INSL6: variants seen among roughly 807,000 people sequenced by gnomAD.
INSL6 encodes insulin-like peptide INSL6.
In INSL6, 16 loss-of-function variants were observed where a neutral mutation model predicts 9.4. The ratio of observed to expected loss-of-function variants is 1.70; its 90% CI spans 1.15 to 2.59. INSL6 has a LOEUF of 2.59. Ranked by LOEUF, INSL6 falls within the 30% of genes most tolerant of loss-of-function variation. The pLI is 0.00. For missense variants in INSL6, 391 were observed against 257.3 expected, an observed-to-expected ratio of 1.52 and a Z score of -3.56; for synonymous variants, 154 against 96.9, an observed-to-expected ratio of 1.59 and a Z score of -3.46.
the INSL6 span, among the ~76,000 whole-genome samples, chr9:5,062,623 G>A: frequency 6.6e-6 from 1 of 150,754 alleles, no homozygotes; most frequent in Non-Finnish European, 1.5e-5. Flanking sequence ...TGAACTGCTA[G>A]TTCAAAGGGT....
At chr9:5,003,272 G>C in the INSL6 span, among the ~76,000 whole-genome samples, 2 of 151,950 alleles carry the variant, frequency 1.3e-5, no homozygotes, top group African/African-American at 4.8e-5. Context: ...ATTTTAATTG[G>C]AAGTGGGTTG....
At position 5,185,380 on chromosome 9, in the gene INSL6, A is replaced by G. The variant is rs764559997; in HGVS notation, c.223T>C (p.Tyr75His). 4 of 1,614,108 alleles carry G rather than the reference A, an allele frequency of 2.5e-6. No individual in the cohort carries two copies. Among genetic ancestry groups the G allele is most frequent in the Non-Finnish European group, 3.4e-6 (4 of 1,180,012 alleles). Reference sequence around the variant, plus strand: ...GGGCTTTCGAACTGGTATGGGCTGTAGGCTTCGACCTTCTCCGAGGCCTGT... The same window carrying G: ...GGGCTTTCGAACTGGTATGGGCTGTGGGCTTCGACCTTCTCCGAGGCCTGT... ...IAQASEKVEA[Y>H]SPYQFESPQT... The change falls in exon 1 of 2, where the codon TAC becomes CAC. Residue 75 changes from tyrosine (Y) to histidine (H), a missense_variant. Transcript: ENST00000381641.
At chr9:5,055,000 G>T in the INSL6 span, 3 of 738,074 alleles carry the variant, frequency 4.1e-6, no homozygotes, top group Non-Finnish European at 6.4e-6. This position sits in a 1 kb window ranked among gnomAD's most constrained non-coding sequence, Gnocchi z 4.9. Flanking sequence ...TGATAGAAGT[G>T]GAAGTTTTTA....
chr9:5,170,522 G>A (rs190523038), intron 1 of INSL6, among the ~76,000 whole-genome samples: 24 of 145,392 alleles, frequency 1.7e-4, no homozygotes, highest in Admixed American at 1.5e-3. Flanking sequence ...CCAGAGACAC[G>A]AAAAACCCTT....
At chr9:5,126,992 G>C in intron 3 of INSL6, 1 of 322,810 alleles carries the variant, frequency 3.1e-6, no homozygotes. Context: ...ACATTAATGA[G>C]AATTCCTTAG....
rs550915336 is a variant in INSL6, at chr9:5,131,435, ATTTTTTTT to A, written c.*10+1982_*10+1989del. Among the ~76,000 whole-genome samples the A allele has an allele frequency of 2.5e-4, 29 of 115,834 alleles. No individual in the cohort carries two copies. The South Asian group carries it at 7.4e-3, about 30-fold the overall frequency. The allele number at this position is 115,834 out of a possible 152,430, so 76.0% of individuals were successfully genotyped here. On this transcript the variant is annotated intron_variant, in intron 3 of 3. Coordinates refer to the INSL6 transcript ENST00000649639. The stretch of plus-strand genomic sequence containing the variant: ...AATTCTTTAACACCACCAGTTAACA[ATTTTTTTT>A]TTTTTTTTTTTGAGACAGAGTTTTG...
chr9:5,158,252 G>T (rs1239895570), intron 2 of INSL6, among the ~76,000 whole-genome samples: 2 of 152,156 alleles, frequency 1.3e-5, no homozygotes, highest in African/African-American at 4.8e-5. Flanking sequence ...TTGAAAGGGT[G>T]GGGGGAGTGG....
chr9:5,117,949 A>G, the INSL6 span, among the ~76,000 whole-genome samples: 2 of 152,180 alleles, frequency 1.3e-5, no homozygotes, highest in Admixed American at 6.5e-5. Context: ...ATTTAGAAAA[A>G]CCACATCCTC....
the INSL6 span, chr9:5,064,832 A>T: frequency 7.4e-7 from 1 of 1,356,776 alleles, no homozygotes; most frequent in Non-Finnish European, 9.9e-7. Context: ...AATATTTAAC[A>T]TGGAGTTGAC....
At chr9:5,060,185 G>T in the INSL6 span, among the ~76,000 whole-genome samples, 2 of 152,208 alleles carry the variant, frequency 1.3e-5, no homozygotes, top group Non-Finnish European at 2.9e-5. Flanking sequence ...TGAGCCTCCA[G>T]AGAGTTATAA....
At chr9:5,118,466 T>C in the INSL6 span, among the ~76,000 whole-genome samples, 2 of 152,184 alleles carry the variant, frequency 1.3e-5, no homozygotes, top group African/African-American at 2.4e-5. Flanking sequence ...TGGGTTATCA[T>C]TGAAGTTACT....
At chr9:5,160,268 A>G (rs1245665747), downstream of INSL6, among the ~76,000 whole-genome samples, 3 of 152,104 alleles carry the variant, frequency 2.0e-5, no homozygotes, top group Non-Finnish European at 4.4e-5. Flanking sequence ...TCTGACCACA[A>G]TAAAACTAGA....
At chr9:5,069,156 C>T in the INSL6 span, 1 of 1,612,304 alleles carries the variant, frequency 6.2e-7, no homozygotes, top group African/African-American at 1.3e-5. Flanking sequence ...AAACTGTTCG[C>T]TCAGACAATA....
rs1825559345 is a variant in INSL6 at position 5,185,585 on chromosome 9, G to C, written c.18C>G (p.Arg6=). 11 of 1,613,276 alleles carry C rather than the reference G, an allele frequency of 6.8e-6. No individual in the cohort carries two copies. In the East Asian group the frequency reaches 1.6e-4, roughly 23 times the overall value. MPRLL[R]LSLLWLGLLL... is the part of the protein sequence containing the mutation. ...GGAGTCCAAGCCACAGCAGGGACAA[G>C]CGGAGGAGCCGCGGCATCCCTGTGA... is the stretch of plus-strand genomic sequence containing the variant. The change falls in exon 1 of 2, where the codon CGC becomes CGG. Residue 6 remains arginine, a synonymous_variant. Coordinates refer to ENST00000381641, the MANE Select transcript of INSL6 (RefSeq NM_007179.3).
the INSL6 span, among the ~76,000 whole-genome samples, chr9:5,040,251 T>A: frequency 6.6e-6 from 1 of 151,862 alleles, no homozygotes; most frequent in Non-Finnish European, 1.5e-5. Flanking sequence ...GATATCCACA[T>A]GTAAACTAAT....
the INSL6 span, chr9:5,111,037 G>C: frequency 1.1e-6 from 1 of 905,982 alleles, no homozygotes; most frequent in Non-Finnish European, 1.7e-6. Context: ...CCTGGCCGGG[G>C]CGCAATTCAG....
chr9:5,003,015 A>G, the INSL6 span, among the ~76,000 whole-genome samples: 3 of 151,964 alleles, frequency 2.0e-5, no homozygotes, highest in African/African-American at 7.2e-5. Context: ...CTGAAATGCA[A>G]TGGCACATCT....
chr9:5,047,864 G>T, the INSL6 span, among the ~76,000 whole-genome samples: 1 of 152,138 alleles, frequency 6.6e-6, no homozygotes, highest in East Asian at 1.9e-4. Flanking sequence ...GCCTCCCAAA[G>T]TGCTGGGAGT....
At chr9:5,018,578 G>T in the INSL6 span, among the ~76,000 whole-genome samples, 2 of 152,090 alleles carry the variant, frequency 1.3e-5, no homozygotes, top group African/African-American at 4.8e-5. Context: ...GGCTCAAGCA[G>T]TCTGCCTGCC....
Sources: allele counts gnomAD v4.1 joint callset (sites outside exome capture counted in the v4.1 genomes callset), GRCh38; gene constraint gnomAD v4.1.1; non-coding constraint Gnocchi (gnomAD v3.1); transcripts MANE v1.5; gene names NCBI Gene and HGNC (gene_info 2026-07-23, HGNC 2026-07-21).